The following ADGRG6 variants were observed in gnomAD, a reference collection of about 807,000 sequenced individuals.
The protein encoded by ADGRG6 is adhesion G protein-coupled receptor G6.
A neutral mutation model predicts 142.4 loss-of-function variants in ADGRG6; 84 were observed. The observed-to-expected ratio is 0.59, with a 90% CI of 0.49 to 0.71. The LOEUF (loss-of-function observed/expected upper bound fraction) is 0.71. Among genes scored for constraint, ADGRG6 ranks in the 30% least tolerant of loss-of-function variants. The pLI is 0.00. For missense variants in ADGRG6, 1,367 were observed against 1,466.6 expected (o/e 0.93, Z 1.11); for synonymous variants, 521 against 520.5 (o/e 1.00, Z -0.01).
chr6:142,384,566 A>G (rs1454959205), intron 6 of ADGRG6, among the ~76,000 whole-genome samples: 1 of 152,196 alleles, frequency 6.6e-6, no homozygotes, highest in Non-Finnish European at 1.5e-5. Flanking sequence ...TCAGTAATTC[A>G]CAGTGAGCAA....
intron 4 of ADGRG6, among the ~76,000 whole-genome samples, chr6:142,376,499 T>G (rs983198945): frequency 2.6e-4 from 39 of 152,082 alleles, no homozygotes; most frequent in African/African-American, 8.4e-4. Flanking sequence ...CTCTCTAGGA[T>G]TTTTTACAGA....
intron 23 of ADGRG6, 145 bp from the exon 24 acceptor site, chr6:142,438,067 T>C (rs1019035668): frequency 5.5e-6 from 3 of 546,634 alleles, no homozygotes; most frequent in Admixed American, 3.7e-5. Flanking sequence ...CCTCTTATTG[T>C]TTACATGTCA....
intron 2 of ADGRG6, among the ~76,000 whole-genome samples, chr6:142,334,822 G>C (rs182851685): frequency 6.6e-6 from 1 of 152,136 alleles, no homozygotes; most frequent in Non-Finnish European, 1.5e-5. Flanking sequence ...GCAGTACTTA[G>C]GCTTATGAAA....
chr6:142,427,550 C>G (rs1414580930), intron 22 of ADGRG6, among the ~76,000 whole-genome samples: 1 of 152,176 alleles, frequency 6.6e-6, no homozygotes, highest in African/African-American at 2.4e-5. Flanking sequence ...CTGTTCCAAC[C>G]TCTGTCTGTT....
rs907467014 is a variant in ADGRG6, at chr6:142,433,168, G to A, written c.3320-4266G>A. Among the ~76,000 whole-genome samples the A allele has an allele frequency of 2.6e-5, 4 of 152,122 alleles. No homozygotes were observed. The East Asian group carries it at 5.8e-4, about 22-fold the overall frequency. ...AACAAATTCTGGAAATTCTGACCCC[G>A]TTAAGGGAACATAGAGTAAGCTGAG... On this transcript the variant is annotated intron_variant, in intron 22 of 24. Transcript: ENST00000367609.
At position 142,419,894 on chromosome 6, in the gene ADGRG6, A is replaced by C; in HGVS notation, c.3109A>C (p.Ile1037Leu). 6.2e-7 allele frequency: 1 copy of C among 1,613,050 alleles called. No homozygotes were observed. Among genetic ancestry groups the C allele is most frequent in the South Asian group, 1.1e-5 (1 of 91,072 alleles). The change falls in exon 22 of 25, where the codon ATT becomes CTT. Residue 1037 changes from isoleucine (I) to leucine (L), a missense_variant. Coordinates refer to ENST00000367609, the MANE Select transcript of ADGRG6 (RefSeq NM_198569.3). ...GYFGVMFFLN[I>L]AMFIVVMVQI... ...TTTTGGAGTCATGTTTTTTCTGAACATTGCCATGTTCATTGTGGTAATGGT... is the reference window on the plus strand; with the variant it reads ...TTTTGGAGTCATGTTTTTTCTGAACCTTGCCATGTTCATTGTGGTAATGGT...
intron 14 of ADGRG6, chr6:142,404,248 A>T (rs1775683650): frequency 2.6e-6 from 1 of 391,650 alleles, no homozygotes; most frequent in Non-Finnish European, 4.6e-6. Context: ...ACTTGGGGTG[A>T]GCATCAGTTC....
intron 2 of ADGRG6, among the ~76,000 whole-genome samples, chr6:142,326,903 C>T (rs1582986181): frequency 1.3e-5 from 2 of 151,976 alleles, no homozygotes; most frequent in East Asian, 1.9e-4. Context: ...AATCTTTTTA[C>T]TTTAAGAATC....
chr6:142,397,501 C>T, intron 9 of ADGRG6, 112 bp from the exon 10 acceptor site: 1 of 859,192 alleles, frequency 1.2e-6, no homozygotes, highest in South Asian at 1.7e-5. Flanking sequence ...CTAATCTCTT[C>T]AGTCTCAACA....
At chr6:142,328,429 T>C (rs1251894995) in intron 2 of ADGRG6, among the ~76,000 whole-genome samples, 1 of 152,176 alleles carries the variant, frequency 6.6e-6, no homozygotes, top group African/African-American at 2.4e-5. Context: ...CTCGATCTTA[T>C]GAGCTCAAGT....
At chr6:142,325,182 T>C (rs1200374106) in intron 2 of ADGRG6, among the ~76,000 whole-genome samples, 1 of 152,162 alleles carries the variant, frequency 6.6e-6, no homozygotes, top group East Asian at 1.9e-4. Flanking sequence ...ACTTTGGACT[T>C]ACAGACAATA....
chr6:142,383,866 A>C, intron 6 of ADGRG6, 23 bp downstream of exon 6: 1 of 1,137,450 alleles, frequency 8.8e-7, no homozygotes, highest in Non-Finnish European at 1.3e-6. Context: ...TACCTTTTAT[A>C]TTTTTAGTAT....
At chr6:142,328,487 C>T (rs539557035) in intron 2 of ADGRG6, among the ~76,000 whole-genome samples, 1 of 152,310 alleles carries the variant, frequency 6.6e-6, no homozygotes, top group South Asian at 2.1e-4. Context: ...CAGGTGTGAG[C>T]CACTGGGCTG....
chr6:142,402,420 A>G (rs1167105560), intron 12 of ADGRG6, among the ~76,000 whole-genome samples, 200 bp from the exon 13 acceptor site: 2 of 152,146 alleles, frequency 1.3e-5, no homozygotes, highest in Admixed American at 1.3e-4. Flanking sequence ...AGTTATTTGT[A>G]TCTTACTAAA....
At chr6:142,430,517 T>A (rs1777159530) in intron 22 of ADGRG6, among the ~76,000 whole-genome samples, 1 of 152,166 alleles carries the variant, frequency 6.6e-6, no homozygotes. Context: ...TGATTTTACA[T>A]TTGCCCCCAG....
At chr6:142,303,508 C>T (rs1777329579) in intron 1 of ADGRG6, among the ~76,000 whole-genome samples, 1 of 152,190 alleles carries the variant, frequency 6.6e-6, no homozygotes, top group South Asian at 2.1e-4. Context: ...ACTGAAACTG[C>T]ATGTGAAATA....
At chr6:142,393,043 A>G (rs751078968) in intron 8 of ADGRG6, 43 bp downstream of exon 8, 1 of 1,032,956 alleles carries the variant, frequency 9.7e-7, no homozygotes, top group South Asian at 1.3e-5. Flanking sequence ...AGTAGTGTCT[A>G]ATTTAATGCT....
chr6:142,406,967 C>T (rs970154105), intron 15 of ADGRG6, among the ~76,000 whole-genome samples: 2 of 152,036 alleles, frequency 1.3e-5, no homozygotes, highest in Non-Finnish European at 2.9e-5. Flanking sequence ...TTGCAAGCAT[C>T]TGTCATTGTT....
intron 15 of ADGRG6, among the ~76,000 whole-genome samples, chr6:142,407,305 TTG>T (rs1267356695): frequency 6.6e-6 from 1 of 152,204 alleles, no homozygotes; most frequent in Admixed American, 6.5e-5. Flanking sequence ...GTGTTTTTTT[TTG>T]TGTTTTACTG....
Sources: allele counts gnomAD v4.1 joint callset (sites outside exome capture counted in the v4.1 genomes callset), GRCh38; gene constraint gnomAD v4.1.1; transcripts MANE v1.5; gene names NCBI Gene and HGNC (gene_info 2026-07-23, HGNC 2026-07-21).